Variants in FLRT2 observed in about 807,000 individuals in gnomAD.
FLRT2 encodes fibronectin leucine rich transmembrane protein 2.
FLRT2 carries 15 observed loss-of-function variants against 40.0 expected under a neutral mutation model. That is an observed-to-expected ratio of 0.38 (90% CI 0.25 to 0.58). The LOEUF is 0.58. Ranked by LOEUF, FLRT2 falls within the 20% of genes least tolerant of loss-of-function variation. The pLI is 0.71. For missense variants in FLRT2, 726 were observed against 840.0 expected (o/e 0.86, Z 1.68); for synonymous variants, 380 against 336.8 (o/e 1.13, Z -1.41).
intron 1 of FLRT2, among the ~76,000 whole-genome samples, chr14:85,568,198 G>A (rs2139856843): frequency 1.3e-5 from 2 of 151,522 alleles, no homozygotes; most frequent in South Asian, 4.2e-4. Flanking sequence ...TTGTTCATGG[G>A]ACCTTGCTGA....
chr14:85,615,123 G>A (rs555261616), intron 1 of FLRT2, among the ~76,000 whole-genome samples: 1 of 152,316 alleles, frequency 6.6e-6, no homozygotes, highest in Non-Finnish European at 1.5e-5. Context: ...CGTGCAGGCA[G>A]TAGTTGACGT....
Position 85,647,552 on chromosome 14 carries a change from T to G in FLRT2, c.*24055T>G, listed in dbSNP as rs1594980657. 6.6e-6 allele frequency: 1 copy of G among 152,196 alleles called. No homozygotes were observed. The highest frequency in any genetic ancestry group is 1.9e-4 in the East Asian group (1 of 5,190). 9.4% of individuals were successfully genotyped at this position (152,196 alleles called of 1,614,324 possible). ...CCAAGAGGACACAACAATGATTCAT[T>G]TGAACTCTATGATTGCCACTGAATA... On this transcript the variant is annotated 3_prime_UTR_variant, in exon 2 of 2. Transcript: ENST00000330753.
chr14:85,544,526 C>T (rs1371104585), intron 1 of FLRT2, among the ~76,000 whole-genome samples: 3 of 151,902 alleles, frequency 2.0e-5, no homozygotes, highest in Non-Finnish European at 4.4e-5. Flanking sequence ...CATCCTAGGC[C>T]CATTATTTCC....
At position 85,597,776 on chromosome 14, in the gene FLRT2, C is replaced by A. The variant is rs544378313; in HGVS notation, c.-376-23363C>A. Among the ~76,000 whole-genome samples, 4 of 152,274 alleles carry A rather than the reference C, an allele frequency of 2.6e-5. No individual in the cohort carries two copies. The South Asian group carries it at 8.3e-4, about 32-fold the overall frequency. ...TTGGTTTAAACAACTTGTGAGGAGT[C>A]CAGTCTGTTCAGAGACACAATTACT... On this transcript the variant is annotated intron_variant, in intron 1 of 1. Transcript: ENST00000330753.
intron 1 of FLRT2, among the ~76,000 whole-genome samples, chr14:85,531,606 A>T (rs1382839827): frequency 6.6e-6 from 1 of 152,046 alleles, no homozygotes; most frequent in Non-Finnish European, 1.5e-5. Flanking sequence ...TGCCAGCGGC[A>T]GTTACTGGTG....
rs1185183912 is a variant in FLRT2 at position 85,629,166 on chromosome 14, T to C, written c.*5669T>C. The C allele has an allele frequency of 6.6e-6, 1 of 152,182 alleles. No homozygotes were observed. The highest frequency in any genetic ancestry group is 2.4e-5 in the African/African-American group (1 of 41,438). 9.4% of individuals were successfully genotyped at this position (152,182 alleles called of 1,614,324 possible). On this transcript the variant is annotated 3_prime_UTR_variant, in exon 2 of 2. Transcript: ENST00000330753. ...GCATTCCAGTGTCTCAGAGCCTGCA[T>C]AATCACTTTATACTACTTCATTAAA...
intron 1 of FLRT2, among the ~76,000 whole-genome samples, chr14:85,617,443 T>C (rs2139362838): frequency 6.6e-6 from 1 of 152,228 alleles, no homozygotes; most frequent in Admixed American, 6.5e-5. Context: ...AAATGTGTAC[T>C]CAAGATCCTG....
At chr14:85,571,000 TA>T (rs1890867993) in intron 1 of FLRT2, among the ~76,000 whole-genome samples, 1 of 152,168 alleles carries the variant, frequency 6.6e-6, no homozygotes, top group Non-Finnish European at 1.5e-5. Context: ...TTCTGTTACT[TA>T]AAGTTTATGG....
chr14:85,536,463 T>C (rs530925902), intron 1 of FLRT2, among the ~76,000 whole-genome samples: 3 of 152,270 alleles, frequency 2.0e-5, no homozygotes, highest in Non-Finnish European at 4.4e-5. Flanking sequence ...AAGGTCAAGG[T>C]GATGTAATAT....
At chr14:85,573,024 G>C (rs972154355) in intron 1 of FLRT2, among the ~76,000 whole-genome samples, 1 of 152,022 alleles carries the variant, frequency 6.6e-6, no homozygotes, top group East Asian at 1.9e-4. Context: ...TCTCTGATTA[G>C]TCACAGTTTT....
rs1383793451 is a variant in FLRT2 at position 85,653,396 on chromosome 14, A to G, written c.*29899A>G. On this transcript the variant is annotated 3_prime_UTR_variant, in exon 2 of 2. Coordinates refer to ENST00000330753, the MANE Select transcript of FLRT2 (RefSeq NM_013231.6). ...ACCAATATCCGGAGGCTCTACGTCA[A>G]GTCATTGAACATGGATGGATGCTCC... The G allele has an allele frequency of 6.6e-6, 1 of 152,164 alleles. No individual in the cohort carries two copies. Among genetic ancestry groups the G allele is most frequent in the African/African-American group, 2.4e-5 (1 of 41,438 alleles). The allele number at this position is 152,164 out of a possible 1,614,324, so 9.4% of individuals were successfully genotyped here. A position where few individuals can be genotyped will look rare whatever the true frequency, so the allele number is the denominator to read the frequency against.
At chr14:85,542,531 G>A (rs570074198) in intron 1 of FLRT2, among the ~76,000 whole-genome samples, 2 of 152,186 alleles carry the variant, frequency 1.3e-5, no homozygotes, top group South Asian at 4.1e-4. Flanking sequence ...GGACCTGAGA[G>A]AAGCAGGCAC....
At position 85,530,213 on chromosome 14, in the gene FLRT2, G is replaced by A. The variant is rs912688720; in HGVS notation, c.-698G>A. Reference sequence around the variant, plus strand: ...TTATCCATTGTCACCGCGGAGGAACGAGCGCTCGAGATATCATCAGTGCCC... The same window carrying A: ...TTATCCATTGTCACCGCGGAGGAACAAGCGCTCGAGATATCATCAGTGCCC... On this transcript the variant is annotated 5_prime_UTR_variant, in exon 1 of 2. Transcript: ENST00000330753. 2 of 152,622 alleles carry A rather than the reference G, an allele frequency of 1.3e-5. No homozygotes were observed. The highest frequency in any genetic ancestry group is 4.8e-5 in the African/African-American group (2 of 41,430). 9.5% of individuals were successfully genotyped at this position (152,622 alleles called of 1,614,324 possible). A position where few individuals can be genotyped will look rare whatever the true frequency, so the allele number is the denominator to read the frequency against.
chr14:85,595,843 T>G (rs988597568), intron 1 of FLRT2, among the ~76,000 whole-genome samples: 5 of 152,222 alleles, frequency 3.3e-5, no homozygotes, highest in Non-Finnish European at 5.9e-5. Flanking sequence ...TCTGGTTTGC[T>G]ATGTTTTCTT....
At chr14:85,594,982 T>C (rs1892068832) in intron 1 of FLRT2, among the ~76,000 whole-genome samples, 1 of 152,208 alleles carries the variant, frequency 6.6e-6, no homozygotes, top group South Asian at 2.1e-4. Context: ...TAAGTAAATG[T>C]ATTAAGTGGA....
intron 1 of FLRT2, among the ~76,000 whole-genome samples, chr14:85,612,761 A>G (rs1892945776): frequency 6.6e-6 from 1 of 152,204 alleles, no homozygotes; most frequent in Non-Finnish European, 1.5e-5. Context: ...TACCATTTAC[A>G]TTCAGAGCCA....
intron 1 of FLRT2, among the ~76,000 whole-genome samples, chr14:85,597,730 G>T (rs375625881): frequency 1.3e-5 from 2 of 152,108 alleles, no homozygotes; most frequent in African/African-American, 4.8e-5. Flanking sequence ...CTAAGGATGC[G>T]GCCAACTTTA....
intron 1 of FLRT2, among the ~76,000 whole-genome samples, chr14:85,583,352 C>T (rs898785335): frequency 2.0e-5 from 3 of 152,174 alleles, no homozygotes; most frequent in African/African-American, 7.2e-5. Context: ...ACAGTCTTAA[C>T]CCATTCAGAA....
chr14:85,568,243 G>C (rs1890722294), intron 1 of FLRT2, among the ~76,000 whole-genome samples: 1 of 151,984 alleles, frequency 6.6e-6, no homozygotes, highest in Non-Finnish European at 1.5e-5. Flanking sequence ...GAAGATCATG[G>C]GGCTTGGAGG....
Sources: allele counts gnomAD v4.1 joint callset (sites outside exome capture counted in the v4.1 genomes callset), GRCh38; gene constraint gnomAD v4.1.1; transcripts MANE v1.5; gene names NCBI Gene and HGNC (gene_info 2026-07-23, HGNC 2026-07-21).